The following CSMD1 variants were observed in gnomAD, a reference collection of about 807,000 sequenced individuals.
CSMD1 encodes the protein CUB and Sushi multiple domains 1.
Under a neutral mutation model 417.5 loss-of-function variants are expected in CSMD1, and 213 were observed. The ratio of observed to expected loss-of-function variants is 0.51; its 90% confidence interval spans 0.46 to 0.57. The LOEUF (loss-of-function observed/expected upper bound fraction) is 0.57. CSMD1 is among the 20% of genes least tolerant of loss of function. The pLI is 0.00. For synonymous variants in CSMD1, 2,862 were observed against 1,736.8 expected (o/e 1.65, Z -16.11); for missense variants, 6,923 against 4,529.7 (o/e 1.53, Z -15.17).
chr8:4,144,704 G>C (rs768485122), intron 3 of CSMD1, among the ~76,000 whole-genome samples: 5 of 151,088 alleles, frequency 3.3e-5, no homozygotes, highest in Admixed American at 2.6e-4. Flanking sequence ...ACTCGGCAAA[G>C]AGTGGAGATT....
intron 5 of CSMD1, among the ~76,000 whole-genome samples, chr8:3,849,124 G>C (rs1358356720): frequency 6.6e-6 from 1 of 152,050 alleles, no homozygotes; most frequent in Non-Finnish European, 1.5e-5. Flanking sequence ...TACACTGAAA[G>C]ACAAGGAAGC....
chr8:4,884,204 CGTGT>C (rs776117074), intron 1 of CSMD1, among the ~76,000 whole-genome samples: 61 of 149,730 alleles, frequency 4.1e-4, no homozygotes, highest in African/African-American at 5.4e-4. Context: ...GTAAGAACTT[CGTGT>C]GTGTGTGTGT....
chr8:4,769,007 T>C (rs944136170), intron 1 of CSMD1, among the ~76,000 whole-genome samples: 2 of 152,152 alleles, frequency 1.3e-5, no homozygotes, highest in African/African-American at 2.4e-5. Context: ...GAGACCAATA[T>C]ACCTGACTGT....
At chr8:3,652,114 G>A (rs1453161714) in intron 7 of CSMD1, among the ~76,000 whole-genome samples, 15 of 72,296 alleles carry the variant, frequency 2.1e-4, no homozygotes, top group Non-Finnish European at 3.4e-4. Context: ...CCATCAGCAC[G>A]CTTACCATCA....
At chr8:4,721,462 G>A (rs893429907) in intron 1 of CSMD1, among the ~76,000 whole-genome samples, 5 of 152,142 alleles carry the variant, frequency 3.3e-5, no homozygotes, top group Non-Finnish European at 7.4e-5. Flanking sequence ...TATTCTGGAA[G>A]ATGCTCAACA....
intron 5 of CSMD1, among the ~76,000 whole-genome samples, chr8:3,981,166 G>C (rs1208118115): frequency 6.6e-6 from 1 of 152,192 alleles, no homozygotes; most frequent in Non-Finnish European, 1.5e-5. Context: ...GCATGTACAA[G>C]AGACTCCAAG....
intron 2 of CSMD1, among the ~76,000 whole-genome samples, chr8:4,439,285 C>T (rs992123222): frequency 2.0e-5 from 3 of 152,052 alleles, no homozygotes; most frequent in Admixed American, 6.6e-5. Flanking sequence ...TGAAAATGAC[C>T]TTTCACTGCT....
In CSMD1 at chr8:3,927,078, T is replaced by G. The variant is rs1034453683; in HGVS notation, c.818+70825A>C. 2.0e-5 allele frequency among the ~76,000 whole-genome samples: 3 copies of G among 152,116 alleles called. No homozygotes were observed. The South Asian group carries it at 6.2e-4, about 32-fold the overall frequency. ...TTTATAAGAGGTAATTTAGTATTTATTGTAATTATCTTTAGGTATTATTAT... is the reference window on the plus strand; with the variant it reads ...TTTATAAGAGGTAATTTAGTATTTAGTGTAATTATCTTTAGGTATTATTAT... On this transcript the variant is annotated intron_variant, in intron 5 of 69. Transcript: ENST00000635120.
intron 2 of CSMD1, among the ~76,000 whole-genome samples, chr8:4,476,049 T>C (rs1423107310): frequency 6.6e-6 from 1 of 152,084 alleles, no homozygotes; most frequent in African/African-American, 2.4e-5. Flanking sequence ...AGAAAATTTC[T>C]GGTTAAGACA....
intron 26 of CSMD1, among the ~76,000 whole-genome samples, chr8:3,246,093 G>C (rs1471186478): frequency 1.3e-5 from 2 of 152,004 alleles, no homozygotes; most frequent in African/African-American, 4.8e-5. Context: ...CTGCATCTAG[G>C]AAGATCTGCT....
At chr8:3,850,797 C>T (rs544959673) in intron 5 of CSMD1, among the ~76,000 whole-genome samples, 6 of 152,192 alleles carry the variant, frequency 3.9e-5, no homozygotes, top group African/African-American at 1.2e-4. Flanking sequence ...TGTGAAAGTC[C>T]AGTCAAAGGA....
chr8:4,057,017 G>C (rs1023246266), intron 3 of CSMD1, among the ~76,000 whole-genome samples: 4 of 152,182 alleles, frequency 2.6e-5, no homozygotes, highest in Non-Finnish European at 4.4e-5. Context: ...TGTCTTTATA[G>C]CAGCATGATT....
At chr8:3,476,292 T>C (rs956228298) in intron 11 of CSMD1, among the ~76,000 whole-genome samples, 1 of 152,226 alleles carries the variant, frequency 6.6e-6, no homozygotes, top group African/African-American at 2.4e-5. Flanking sequence ...GTATCAGTAG[T>C]TTGTTTTTGG....
At chr8:3,591,981 T>C (rs1243461105) in intron 8 of CSMD1, among the ~76,000 whole-genome samples, 1 of 151,412 alleles carries the variant, frequency 6.6e-6, no homozygotes, top group Non-Finnish European at 1.5e-5. Context: ...AAAGATAGAT[T>C]GATAGATAAA....
intron 6 of CSMD1, among the ~76,000 whole-genome samples, chr8:3,750,555 C>T (rs1174072620): frequency 1.3e-5 from 2 of 151,896 alleles, no homozygotes; most frequent in African/African-American, 4.8e-5. Context: ...GGCTTTCCTT[C>T]TTTAATGTAT....
In CSMD1 at chr8:4,881,922, G is replaced by T. The variant is rs976156745; in HGVS notation, c.85+112410C>A. Among the ~76,000 whole-genome samples the T allele has an allele frequency of 2.6e-5, 4 of 152,030 alleles. No homozygotes were observed. The South Asian group carries it at 6.2e-4, about 24-fold the overall frequency. On this transcript the variant is annotated intron_variant, in intron 1 of 69. Transcript: ENST00000635120. The stretch of plus-strand genomic sequence containing the variant: ...CATTGATGCTGGACACTTTTGTGGG[G>T]TTCTTCTTGCAGGGAGAATCAGCTT...
At chr8:4,813,571 C>T (rs908647574) in intron 1 of CSMD1, among the ~76,000 whole-genome samples, 1 of 152,258 alleles carries the variant, frequency 6.6e-6, no homozygotes, top group African/African-American at 2.4e-5. Flanking sequence ...CCTAGAGAAA[C>T]ATGTTCATCA....
intron 2 of CSMD1, among the ~76,000 whole-genome samples, chr8:4,450,034 G>C (rs1184538828): frequency 6.6e-6 from 1 of 152,130 alleles, no homozygotes; most frequent in Non-Finnish European, 1.5e-5. Context: ...TCCTGTCCTT[G>C]ATGACTGGGT....
At chr8:3,252,273 G>A (rs1031245522) in intron 26 of CSMD1, among the ~76,000 whole-genome samples, 2 of 152,104 alleles carry the variant, frequency 1.3e-5, no homozygotes, top group East Asian at 1.9e-4. Flanking sequence ...TAGAATGAAG[G>A]GCTGTTGAAT....
Sources: gnomAD v4.1 joint callset for allele counts (sites outside exome capture counted in the v4.1 genomes callset) on GRCh38, gnomAD v4.1.1 for gene constraint, MANE v1.5 for transcripts, NCBI Gene and HGNC (gene_info 2026-07-23, HGNC 2026-07-21) for gene names.